Variants in GGACT observed in about 807,000 individuals in gnomAD.
GGACT encodes the protein gamma-glutamylamine cyclotransferase.
For synonymous variants in GGACT, 118 were observed against 115.3 expected, an observed-to-expected ratio of 1.02 and a Z score of -0.15; for missense variants, 241 against 233.2, an observed-to-expected ratio of 1.03 and a Z score of -0.22.
chr13:100,576,905 G>T (rs993475984), intron 2 of GGACT, among the ~76,000 whole-genome samples: 1 of 152,152 alleles, frequency 6.6e-6, no homozygotes, highest in African/African-American at 2.4e-5. Flanking sequence ...AAACAAGTTG[G>T]TTTTACTGTA....
At chr13:100,575,720 T>C (rs1349506404) in intron 2 of GGACT, among the ~76,000 whole-genome samples, 2 of 152,174 alleles carry the variant, frequency 1.3e-5, no homozygotes, top group Non-Finnish European at 2.9e-5. Flanking sequence ...GCTGTGACTA[T>C]GCCATTGCAC....
chr13:100,586,263 G>A (rs558099192), intron 1 of GGACT, among the ~76,000 whole-genome samples: 121 of 151,942 alleles, frequency 8.0e-4, no homozygotes, highest in Admixed American at 2.7e-3. Context: ...AACTGCTTCA[G>A]CCACAACCAA....
At position 100,580,089 on chromosome 13, in the gene GGACT, CG is replaced by C. The variant is rs1875371087; in HGVS notation, c.-11+3735del. The C allele has an allele frequency of 3.9e-5, 6 of 152,252 alleles. No individual in the cohort carries two copies. In the South Asian group the frequency reaches 1.2e-3, roughly 31 times the overall value. The allele number at this position is 152,252 out of a possible 1,614,324, so 9.4% of individuals were successfully genotyped here. On this transcript the variant is annotated intron_variant, in intron 2 of 2. Transcript: ENST00000683975. ...GTATAAGAGCAGCAGAAACACACCT[CG>C]GGGATTGGCACCTGGTCTTACTCTG...
chr13:100,554,118 T>C lies in GGACT; in HGVS notation c.-10-21517A>G, dbSNP rs150307507. Among the ~76,000 whole-genome samples, 321 of 152,262 alleles carry C rather than the reference T, an allele frequency of 2.1e-3. 12 individuals carry two copies. The East Asian group carries it at 0.039, about 19-fold the overall frequency. On this transcript the variant is annotated intron_variant, in intron 2 of 2. Coordinates refer to ENST00000683975, the MANE Select transcript of GGACT (RefSeq NM_001195087.2). ...AAGTGGAATTCAGAGGTGATGGAGA[T>C]CAAAGGCTTCATGGACATTGCCTGG...
At chr13:100,554,039 A>C (rs907810612) in intron 2 of GGACT, among the ~76,000 whole-genome samples, 2 of 152,202 alleles carry the variant, frequency 1.3e-5, no homozygotes, top group African/African-American at 4.8e-5. Context: ...AAGGAAACAC[A>C]ATGAACAAAG....
At chr13:100,565,667 T>C (rs558814446) in intron 2 of GGACT, among the ~76,000 whole-genome samples, 75 of 152,256 alleles carry the variant, frequency 4.9e-4, no homozygotes, top group Non-Finnish European at 1.0e-3. Flanking sequence ...TCCTCTGTGA[T>C]CCTCTCCCAA....
intron 2 of GGACT, among the ~76,000 whole-genome samples, chr13:100,571,668 G>T (rs1350513552): frequency 6.6e-6 from 1 of 152,078 alleles, no homozygotes; most frequent in Non-Finnish European, 1.5e-5. Context: ...GTAAAACCCT[G>T]CCGTGTTTCA....
chr13:100,543,131 CAAGGA>C (rs1344544896), intron 2 of GGACT, among the ~76,000 whole-genome samples: 1 of 138,862 alleles, frequency 7.2e-6, no homozygotes, highest in Non-Finnish European at 1.5e-5. Context: ...GTGAACCGAA[CAAGGA>C]AAGGGCTAGT....
chr13:100,574,583 A>G (rs1404515139), intron 2 of GGACT, among the ~76,000 whole-genome samples: 2 of 152,166 alleles, frequency 1.3e-5, no homozygotes, highest in Non-Finnish European at 2.9e-5. Context: ...CTCAAAAAAG[A>G]AAGAAAACCA....
chr13:100,563,326 G>A (rs2088782276), intron 2 of GGACT, among the ~76,000 whole-genome samples: 1 of 152,212 alleles, frequency 6.6e-6, no homozygotes, highest in African/African-American at 2.4e-5. Context: ...CGGGATGGAA[G>A]AATGGGAGGG....
intron 2 of GGACT, chr13:100,539,938 G>A (rs957241427): frequency 1.5e-5 from 23 of 1,538,374 alleles, no homozygotes; most frequent in African/African-American, 6.8e-5. Flanking sequence ...GGCAGCACCC[G>A]CAGGTCTAAA....
At position 100,569,791 on chromosome 13, in the gene GGACT, T is replaced by C. The variant is rs1875024820; in HGVS notation, c.-11+14034A>G. On this transcript the variant is annotated intron_variant, in intron 2 of 2. Coordinates refer to ENST00000683975, the MANE Select transcript of GGACT (RefSeq NM_001195087.2). Reference sequence around the variant, plus strand: ...GTCTGCTTCCTCTTGAATGCTTTGCTGCTTAGAAACTTCTACCACCAGATA... The same window carrying C: ...GTCTGCTTCCTCTTGAATGCTTTGCCGCTTAGAAACTTCTACCACCAGATA... Among the ~76,000 whole-genome samples, 4 of 152,254 alleles carry C rather than the reference T, an allele frequency of 2.6e-5. No homozygotes were observed. In the South Asian group the frequency reaches 8.3e-4, roughly 31 times the overall value.
intron 2 of GGACT, among the ~76,000 whole-genome samples, chr13:100,571,798 C>T (rs929817520): frequency 5.3e-5 from 8 of 152,192 alleles, no homozygotes; most frequent in Non-Finnish European, 8.8e-5. Flanking sequence ...TGTATATATA[C>T]ATTCTGGCCC....
At chr13:100,564,475 A>T (rs991078367) in intron 2 of GGACT, among the ~76,000 whole-genome samples, 1 of 152,244 alleles carries the variant, frequency 6.6e-6, no homozygotes, top group Non-Finnish European at 1.5e-5. Flanking sequence ...TTTTAAAAAA[A>T]TTATCCAAGT....
chr13:100,543,196 G>GTTT (rs1566530390), intron 2 of GGACT, among the ~76,000 whole-genome samples: 3 of 63,658 alleles, frequency 4.7e-5, no homozygotes, highest in African/African-American at 1.3e-4. Context: ...AAAGACACCA[G>GTTT]CTTTTTTTTT....
rs2088345494 is a variant in GGACT at position 100,530,654 on chromosome 13, A to ACTT, written c.*1473_*1475dup. ...CTCACTCCTGGTGCTGATTTTCAAA[A>ACTT]CTTCCTAAGGACCAGAGACTGCAAA... On this transcript the variant is annotated 3_prime_UTR_variant, in exon 3 of 3. Coordinates refer to ENST00000683975, the MANE Select transcript of GGACT (RefSeq NM_001195087.2). 2 of 238,540 alleles carry ACTT rather than the reference A, an allele frequency of 8.4e-6. No individual in the cohort carries two copies. The highest frequency in any genetic ancestry group is 1.1e-4 in the South Asian group (2 of 18,744). The allele number at this position is 238,540 out of a possible 1,614,324, so 14.8% of individuals were successfully genotyped here.
At chr13:100,546,391 C>T (rs1440146085) in intron 2 of GGACT, among the ~76,000 whole-genome samples, 2 of 146,058 alleles carry the variant, frequency 1.4e-5, no homozygotes, top group Non-Finnish European at 1.5e-5. Flanking sequence ...AAAAGAAATA[C>T]GCATGTGTAA....
intron 2 of GGACT, among the ~76,000 whole-genome samples, chr13:100,555,964 G>C (rs1485787175): frequency 6.6e-6 from 1 of 152,106 alleles, no homozygotes; most frequent in African/African-American, 2.4e-5. Flanking sequence ...TAGCAAACTG[G>C]AAATCAAAGA....
At chr13:100,550,640 C>T (rs1469130323) in intron 2 of GGACT, among the ~76,000 whole-genome samples, 4 of 152,188 alleles carry the variant, frequency 2.6e-5, no homozygotes, top group African/African-American at 7.2e-5. Flanking sequence ...TGAAAAAGCA[C>T]TTAAAGGCCC....
Sources: allele counts gnomAD v4.1 joint callset (sites outside exome capture counted in the v4.1 genomes callset), GRCh38; gene constraint gnomAD v4.1.1; transcripts MANE v1.5; gene names NCBI Gene and HGNC (gene_info 2026-07-23, HGNC 2026-07-21).